USP43: variants seen among roughly 807,000 people sequenced by gnomAD.
USP43 encodes the protein ubiquitin carboxyl-terminal hydrolase 43.
USP43 carries 33 observed loss-of-function variants against 90.7 expected under a neutral mutation model. The observed-to-expected ratio is 0.36, with a 90% CI of 0.28 to 0.49. The LOEUF (loss-of-function observed/expected upper bound fraction) is 0.49. Ranked by LOEUF, USP43 falls within the 20% of genes least tolerant of loss-of-function variation. USP43 has a pLI of 0.98. For synonymous variants in USP43, 598 were observed against 615.8 expected (o/e 0.97, Z 0.43); for missense variants, 1,274 against 1,476.4 (o/e 0.86, Z 2.25).
At chr17:9,688,431 A>T (rs1216059953) in intron 8 of USP43, among the ~76,000 whole-genome samples, 2 of 146,916 alleles carry the variant, frequency 1.4e-5, no homozygotes, top group Non-Finnish European at 3.0e-5. Flanking sequence ...GCTTACTGCA[A>T]CCTCCGCCTC....
At chr17:9,649,930 T>C (rs1007687247) in intron 1 of USP43, among the ~76,000 whole-genome samples, 18 of 152,278 alleles carry the variant, frequency 1.2e-4, no homozygotes, top group African/African-American at 4.3e-4. Flanking sequence ...CAATTCTTTA[T>C]GGAGATCTAT....
chr17:9,672,206 G>T (rs60010575), intron 3 of USP43, among the ~76,000 whole-genome samples: 1 of 151,994 alleles, frequency 6.6e-6, no homozygotes, highest in Admixed American at 6.6e-5. Context: ...CATGTTGACC[G>T]GGTTGGTCTC....
intron 12 of USP43, among the ~76,000 whole-genome samples, chr17:9,708,418 GAC>G (rs1916008317): frequency 6.6e-6 from 1 of 152,196 alleles, no homozygotes; most frequent in Admixed American, 6.5e-5. Flanking sequence ...CCGAGTGAGA[GAC>G]ACCACTGGCT....
At chr17:9,720,365 CT>C (rs375103424) in intron 14 of USP43, among the ~76,000 whole-genome samples, 5,787 of 133,980 alleles carry the variant, frequency 0.043, 205 homozygotes, top group East Asian at 0.21. Context: ...AAAAATCCAG[CT>C]TTTTTTTTTT....
Position 9,646,140 on chromosome 17 carries a change from G to A in USP43, c.504+4G>A, listed in dbSNP as rs935400497. Reference sequence around the variant, plus strand: ...CCAACTTTCCGCGGAGTTCAAGGTAGGCAGCGCTGCGCCGCCGACCGCCCT... The same window carrying A: ...CCAACTTTCCGCGGAGTTCAAGGTAAGCAGCGCTGCGCCGCCGACCGCCCT... On this transcript the variant is annotated splice_donor_region_variant and intron_variant, in intron 1 of 14. Coordinates refer to ENST00000285199, the MANE Select transcript of USP43 (RefSeq NM_153210.5). The A allele has an allele frequency of 3.5e-6, 5 of 1,428,298 alleles. No homozygotes were observed. In the Admixed American group the frequency reaches 1.2e-4, roughly 35 times the overall value. 88.5% of individuals were successfully genotyped at this position (1,428,298 alleles called of 1,614,324 possible).
chr17:9,662,041 G>C (rs963496717), intron 2 of USP43, among the ~76,000 whole-genome samples: 1 of 152,140 alleles, frequency 6.6e-6, no homozygotes, highest in African/African-American at 2.4e-5. Context: ...CTCAGCAGCA[G>C]GAACTGCTCC....
At position 9,728,293 on chromosome 17, in the gene USP43, G is replaced by A. The variant is rs1047688373; in HGVS notation, c.2675G>A (p.Cys892Tyr). 8 of 1,612,976 alleles carry A rather than the reference G, an allele frequency of 5.0e-6. No homozygotes were observed. The African/African-American group carries it at 6.7e-5, about 13-fold the overall frequency. ...AIERGPAGVP[C>Y]PSAQPNHCLA... ...GAAAGAGGTCCAGCCGGGGTGCCCT[G>A]TCCCTCGGCTCAACCCAACCACTGT... is the stretch of plus-strand genomic sequence containing the variant. The change falls in exon 15 of 15, where the codon TGT becomes TAT. Residue 892 changes from cysteine to tyrosine, a missense_variant. Physicochemically the swap from Cys to Tyr is radical, Grantham distance 194. Coordinates refer to ENST00000285199, the MANE Select transcript of USP43 (RefSeq NM_153210.5). This position sits in a 1 kb window ranked among gnomAD's most constrained non-coding sequence, Gnocchi z 6.2.
At chr17:9,648,693 T>G (rs1437301650) in intron 1 of USP43, among the ~76,000 whole-genome samples, 1 of 151,960 alleles carries the variant, frequency 6.6e-6, no homozygotes, top group Non-Finnish European at 1.5e-5. Context: ...ACCTGGGAAC[T>G]GGAATGCCAA....
intron 14 of USP43, among the ~76,000 whole-genome samples, chr17:9,722,518 C>G (rs141704131): frequency 6.6e-5 from 10 of 152,236 alleles, no homozygotes; most frequent in African/African-American, 2.4e-4. Flanking sequence ...TTTTCCTTTC[C>G]TTATTGTTGC....
rs573964970 is a variant in USP43, at chr17:9,656,170, C to T, written c.505-233C>T. On this transcript the variant is annotated intron_variant, in intron 1 of 14. Coordinates refer to ENST00000285199, the MANE Select transcript of USP43 (RefSeq NM_153210.5). ...AATGATAGGATACACATCAGCAGTC[C>T]TCTGGGAAGAAAATGTCTTCTCCCA... Among the ~76,000 whole-genome samples the T allele has an allele frequency of 1.4e-4, 22 of 152,226 alleles. No individual in the cohort carries two copies. In the East Asian group the frequency reaches 2.9e-3, roughly 20 times the overall value.
intron 12 of USP43, among the ~76,000 whole-genome samples, chr17:9,708,196 G>T (rs2151993137): frequency 6.6e-6 from 1 of 152,346 alleles, no homozygotes; most frequent in South Asian, 2.1e-4. Flanking sequence ...ATTGATGAAG[G>T]GTGGGGCTGG....
chr17:9,681,464 A>ATT (rs1914256535), intron 6 of USP43, among the ~76,000 whole-genome samples: 1 of 12,926 alleles, frequency 7.7e-5, no homozygotes, highest in Non-Finnish European at 1.2e-4. Flanking sequence ...AAAATATATT[A>ATT]TATATATATA....
intron 1 of USP43, among the ~76,000 whole-genome samples, chr17:9,649,708 GA>G (rs919524180): frequency 1.1e-4 from 16 of 139,812 alleles, no homozygotes; most frequent in South Asian, 4.6e-4. Context: ...TTAAAATGTA[GA>G]AAAAAAAAGA....
intron 1 of USP43, among the ~76,000 whole-genome samples, chr17:9,646,597 C>G (rs973595972): frequency 6.6e-6 from 1 of 152,094 alleles, no homozygotes; most frequent in Non-Finnish European, 1.5e-5. Context: ...CTAATCCAGG[C>G]AGGAGGAACA....
At chr17:9,656,611 T>C in intron 2 of USP43, 77 bp downstream of exon 2, 2 of 1,481,490 alleles carry the variant, frequency 1.3e-6, no homozygotes, top group Non-Finnish European at 1.8e-6. Context: ...TCCTCAAAAC[T>C]GAATCTTGAA....
intron 2 of USP43, among the ~76,000 whole-genome samples, chr17:9,663,811 G>C (rs1478720773): frequency 6.6e-6 from 1 of 151,880 alleles, no homozygotes; most frequent in Non-Finnish European, 1.5e-5. Flanking sequence ...TTTTGGTAGA[G>C]ACGAGGTTTC....
At position 9,645,863 on chromosome 17, in the gene USP43, G is replaced by A; in HGVS notation, c.231G>A (p.Glu77=). 1 of 1,420,262 alleles carries A rather than the reference G, an allele frequency of 7.0e-7. No homozygotes were observed. The highest frequency in any genetic ancestry group is 1.5e-5 in the African/African-American group (1 of 65,948). 88.0% of individuals were successfully genotyped at this position (1,420,262 alleles called of 1,614,324 possible). The change falls in exon 1 of 15, where the codon GAG becomes GAA. Residue 77 remains glutamate, a synonymous_variant. Coordinates refer to ENST00000285199, the MANE Select transcript of USP43 (RefSeq NM_153210.5). The surrounding 1 kb of genome is among the most constrained non-coding windows in gnomAD (Gnocchi z 6.8). ...CAGCGGCCCCCGGGAGCCCCGGGGA[G>A]GAACGCCCGCCCGGACCCCAGCCCC... ...PVPAAPGSPG[E]ERPPGPQPQL...
intron 3 of USP43, among the ~76,000 whole-genome samples, chr17:9,667,809 C>T (rs781737216): frequency 5.9e-5 from 9 of 151,986 alleles, no homozygotes; most frequent in East Asian, 3.9e-4. Context: ...CACGTGTGCG[C>T]GTGTCTGTGT....
chr17:9,703,172 C>T (rs1277396145), intron 12 of USP43, among the ~76,000 whole-genome samples: 1 of 151,656 alleles, frequency 6.6e-6, no homozygotes, highest in Non-Finnish European at 1.5e-5. Context: ...ATCTTTGTTA[C>T]TCAGATTTTT....
Sources: gnomAD v4.1 joint callset for allele counts (sites outside exome capture counted in the v4.1 genomes callset) on GRCh38, gnomAD v4.1.1 for gene constraint, Gnocchi (gnomAD v3.1) non-coding constraint, MANE v1.5 for transcripts, NCBI Gene and HGNC (gene_info 2026-07-23, HGNC 2026-07-21) for gene names.